The following KALRN variants were observed in gnomAD, a reference collection of about 807,000 sequenced individuals.
The protein encoded by KALRN is kalirin.
Under a neutral mutation model 353.7 loss-of-function variants are expected in KALRN, and 70 were observed. The observed-to-expected ratio is 0.20, with a 90% CI of 0.16 to 0.24. KALRN has a LOEUF of 0.24. KALRN is among the 10% of genes least tolerant of loss of function. KALRN has a pLI of 1.00. For missense variants in KALRN, 2,791 were observed against 3,756.7 expected, an observed-to-expected ratio of 0.74 and a Z score of 6.72; for synonymous variants, 1,391 against 1,434.8, an observed-to-expected ratio of 0.97 and a Z score of 0.69.
chr3:124,131,402 C>A (rs571173783), intron 1 of KALRN, among the ~76,000 whole-genome samples: 192 of 152,310 alleles, frequency 1.3e-3, no homozygotes, highest in African/African-American at 4.5e-3. Flanking sequence ...CACTCCTCTA[C>A]CTTTGACCCA....
At chr3:124,365,638 A>T (rs1666124994) in intron 10 of KALRN, among the ~76,000 whole-genome samples, 1 of 152,216 alleles carries the variant, frequency 6.6e-6, no homozygotes, top group Non-Finnish European at 1.5e-5. Context: ...GTTACCTGTT[A>T]TCCCTTTCAC....
intron 6 of KALRN, among the ~76,000 whole-genome samples, chr3:124,311,961 A>G (rs2078309950): frequency 6.6e-6 from 1 of 152,224 alleles, no homozygotes; most frequent in South Asian, 2.1e-4. Flanking sequence ...AAACCTTTAA[A>G]GAAGAAAGTA....
rs956331810 is a variant in KALRN, at chr3:124,684,934, C to T, written c.7377+5417C>T. On this transcript the variant is annotated intron_variant, in intron 51 of 59. Coordinates refer to ENST00000682506, the MANE Select transcript of KALRN (RefSeq NM_001388419.1). ...AGATCTGAAGAGCCAGCCTACTCCCCGCACCCCACTCCCCGCCAACTACCA... is the reference window on the plus strand; with the variant it reads ...AGATCTGAAGAGCCAGCCTACTCCCTGCACCCCACTCCCCGCCAACTACCA... Among the ~76,000 whole-genome samples, 3 of 152,012 alleles carry T rather than the reference C, an allele frequency of 2.0e-5. 1 individual carries two copies. Among genetic ancestry groups the T allele is most frequent in the Admixed American group, 1.3e-4 (2 of 15,256 alleles).
At chr3:124,545,857 C>A (rs1302380970) in intron 33 of KALRN, among the ~76,000 whole-genome samples, 1 of 152,132 alleles carries the variant, frequency 6.6e-6, no homozygotes. Context: ...GGACAGCAAC[C>A]GTCTTAACTC....
chr3:124,483,304 A>G (rs2062178692), intron 28 of KALRN, among the ~76,000 whole-genome samples: 1 of 152,152 alleles, frequency 6.6e-6, no homozygotes, highest in Admixed American at 6.5e-5. Context: ...TAATCCCAGC[A>G]CTTTGGGAGG....
intron 57 of KALRN, among the ~76,000 whole-genome samples, chr3:124,706,286 C>A (rs537805791): frequency 2.6e-5 from 4 of 152,168 alleles, no homozygotes; most frequent in Non-Finnish European, 4.4e-5. Flanking sequence ...GGCAGTGGAG[C>A]CATTCTGCAA....
chr3:124,484,627 C>G (rs1333758712), intron 28 of KALRN, among the ~76,000 whole-genome samples: 4 of 152,026 alleles, frequency 2.6e-5, no homozygotes, highest in African/African-American at 9.7e-5. Context: ...AGGGAATCCT[C>G]TCTCCTGAGA....
In KALRN at chr3:124,329,646, G is replaced by A. The variant is rs143472434; in HGVS notation, c.1285-215G>A. Among the ~76,000 whole-genome samples the A allele has an allele frequency of 2.6e-5, 4 of 152,164 alleles. No individual in the cohort carries two copies. In the East Asian group the frequency reaches 5.8e-4, roughly 22 times the overall value. ...CTACAGTTTCATAATAGTCAATTTT[G>A]TGGAGACTATACTTCCTAAATGGGT... On this transcript the variant is annotated intron_variant, in intron 7 of 59. Transcript: ENST00000682506.
chr3:124,243,009 C>T (rs1221261890), intron 3 of KALRN, among the ~76,000 whole-genome samples: 7 of 152,170 alleles, frequency 4.6e-5, no homozygotes, highest in Admixed American at 2.0e-4. Flanking sequence ...GCAGGGACCC[C>T]GAGCTTAATG....
At chr3:124,207,320 G>A (rs556980746) in intron 1 of KALRN, among the ~76,000 whole-genome samples, 1 of 152,344 alleles carries the variant, frequency 6.6e-6, no homozygotes, top group Non-Finnish European at 1.5e-5. Context: ...AAATAGACAG[G>A]TGGGGTTTCA....
intron 1 of KALRN, among the ~76,000 whole-genome samples, chr3:124,218,391 C>T (rs1256560836): frequency 2.0e-5 from 3 of 152,186 alleles, no homozygotes; most frequent in East Asian, 1.9e-4. Context: ...TTCTGCCCCT[C>T]GGCGCCTTTG....
At position 124,662,999 on chromosome 3, in the gene KALRN, C is replaced by T. The variant is rs570783286; in HGVS notation, c.6345+1071C>T. Among the ~76,000 whole-genome samples, 96 of 152,156 alleles carry T rather than the reference C, an allele frequency of 6.3e-4. 1 individual carries two copies. Among genetic ancestry groups the T allele is most frequent in the Admixed American group, 7.2e-4 (11 of 15,294 alleles). On this transcript the variant is annotated intron_variant, in intron 45 of 59. Coordinates refer to ENST00000682506, the MANE Select transcript of KALRN (RefSeq NM_001388419.1). Reference sequence around the variant, plus strand: ...TTTAAACAGAGTTTTGCTCTTGTTGCCCAGGCTGGAGTGCAGTGGCAACAA... The same window carrying T: ...TTTAAACAGAGTTTTGCTCTTGTTGTCCAGGCTGGAGTGCAGTGGCAACAA...
rs769176296 is a variant in KALRN at position 124,257,034 on chromosome 3, ATTC to A, written c.264-7461_264-7459del. On this transcript the variant is annotated intron_variant, in intron 3 of 59. Transcript: ENST00000682506. ...CAATGGCAGAAATCCTTCCAAGCCT[ATTC>A]TTGCAATAAATGACTCCACTGGAGA... is the stretch of plus-strand genomic sequence containing the variant. 2.6e-5 allele frequency among the ~76,000 whole-genome samples: 4 copies of A among 152,332 alleles called. No homozygotes were observed. In the East Asian group the frequency reaches 7.7e-4, roughly 29 times the overall value.
chr3:124,250,010 G>T (rs1482514453), intron 3 of KALRN, among the ~76,000 whole-genome samples: 1 of 152,160 alleles, frequency 6.6e-6, no homozygotes, highest in Non-Finnish European at 1.5e-5. Context: ...CGCCTGCCCT[G>T]CAGGAAATAG....
At chr3:124,231,716 T>C (rs1455628560) in intron 2 of KALRN, among the ~76,000 whole-genome samples, 1 of 152,104 alleles carries the variant, frequency 6.6e-6, no homozygotes, top group South Asian at 2.1e-4. Flanking sequence ...ACTTTATTTT[T>C]TTTTTTTAAT....
chr3:124,619,959 T>C (rs2079089560), intron 34 of KALRN, among the ~76,000 whole-genome samples: 1 of 152,010 alleles, frequency 6.6e-6, no homozygotes, highest in Admixed American at 6.5e-5. Context: ...TGAGATGATA[T>C]CATAGTGAAA....
chr3:124,144,553 C>T (rs1037167103), intron 1 of KALRN, among the ~76,000 whole-genome samples: 6 of 151,576 alleles, frequency 4.0e-5, no homozygotes, highest in African/African-American at 1.5e-4. Context: ...TCTTCCTCAT[C>T]ATCCTCCTCC....
chr3:124,427,280 A>G (rs1431639033), intron 15 of KALRN, among the ~76,000 whole-genome samples: 3 of 152,260 alleles, frequency 2.0e-5, no homozygotes, highest in Non-Finnish European at 4.4e-5. Flanking sequence ...GTGCAGTCTC[A>G]TAGACCATGG....
chr3:124,659,476 G>T lies in KALRN; in HGVS notation c.6216+19G>T, dbSNP rs1240978740. 1 of 1,542,812 alleles carries T rather than the reference G, an allele frequency of 6.5e-7. No homozygotes were observed. Among genetic ancestry groups the T allele is most frequent in the Non-Finnish European group, 9.0e-7 (1 of 1,115,174 alleles). ...CCTCAAGGTAAGAAGCTGGGAGCCT[G>T]GGTGAGGGCTGGAGAAGGATCCATC... On this transcript the variant is annotated intron_variant, in intron 43 of 59. Transcript: ENST00000682506.
Sources: gnomAD v4.1 joint callset for allele counts (sites outside exome capture counted in the v4.1 genomes callset) on GRCh38, gnomAD v4.1.1 for gene constraint, MANE v1.5 for transcripts, NCBI Gene and HGNC (gene_info 2026-07-23, HGNC 2026-07-21) for gene names.